PSMA4: variants seen among roughly 807,000 people sequenced by gnomAD.
PSMA4 encodes the protein proteasome subunit alpha type-4.
A neutral mutation model predicts 37.2 loss-of-function variants in PSMA4; 8 were observed. That is an observed-to-expected ratio of 0.22 (90% CI 0.13 to 0.39). PSMA4 has a LOEUF of 0.39. Among genes scored for constraint, PSMA4 ranks in the 10% least tolerant of loss-of-function variants. The pLI is 1.00. For synonymous variants in PSMA4, 93 were observed against 98.8 expected (o/e 0.94, Z 0.35); for missense variants, 169 against 305.1 (o/e 0.55, Z 3.32).
intron 8 of PSMA4, among the ~76,000 whole-genome samples, chr15:78,548,231 CAAAAAA>C (rs938797848): frequency 6.3e-5 from 9 of 142,036 alleles, no homozygotes; most frequent in African/African-American, 1.6e-4. Context: ...AACTCCATCT[CAAAAAA>C]AAAAAGAAAA....
At position 78,543,955 on chromosome 15, in the gene PSMA4, T is replaced by C; in HGVS notation, c.210-235T>C. On this transcript the variant is annotated intron_variant, in intron 4 of 8. Transcript: ENST00000044462. Reference sequence around the variant, plus strand: ...TTGTTATCCTATTCATAGGTGGTAATGATAAATACATCTATTAAATAACTT... The same window carrying C: ...TTGTTATCCTATTCATAGGTGGTAACGATAAATACATCTATTAAATAACTT... 4 of 402,674 alleles carry C rather than the reference T, an allele frequency of 9.9e-6. No homozygotes were observed. In the South Asian group the frequency reaches 1.6e-4, roughly 17 times the overall value. The allele number at this position is 402,674 out of a possible 1,614,324, so 24.9% of individuals were successfully genotyped here. A position where few individuals can be genotyped will look rare whatever the true frequency, so the allele number is the denominator to read the frequency against.
chr15:78,544,243 A>G lies in PSMA4; in HGVS notation c.263A>G (p.Asn88Ser). 1.2e-6 allele frequency: 2 copies of G among 1,613,350 alleles called. No individual in the cohort carries two copies. Among genetic ancestry groups the G allele is most frequent in the Non-Finnish European group, 1.7e-6 (2 of 1,179,368 alleles). ...GITSDANVLT[N>S]ELRLIAQRYL... is the part of the protein sequence containing the mutation. ...ACTTCTGATGCTAATGTTCTGACTAATGAACTAAGGCTCATTGCTCAAAGG... is the reference window on the plus strand; with the variant it reads ...ACTTCTGATGCTAATGTTCTGACTAGTGAACTAAGGCTCATTGCTCAAAGG... The change falls in exon 5 of 9, where the codon AAT (asparagine) becomes AGT (serine). Residue 88 changes from asparagine (N) to serine (S), a missense_variant. Physicochemically the swap from Asn to Ser is conservative, Grantham distance 46. This residue lies in a region of PSMA4 where 79 missense variants were observed against 212.4 expected (regional missense o/e 0.37). Transcript: ENST00000044462.
chr15:78,542,203 T>A lies in PSMA4; in HGVS notation c.30T>A (p.Thr10=). 6.2e-7 allele frequency: 1 copy of A among 1,605,982 alleles called. No homozygotes were observed. ...CTCGAAGATATGACTCCAGGACCAC[T>A]ATATTTTCTCCAGAAGGTAAAATAG... MSRRYDSRT[T]IFSPEGRLYQ... is the part of the protein sequence containing the mutation. The change falls in exon 3 of 9, where the codon ACT becomes ACA. Residue 10 remains threonine (T), a synonymous_variant. Coordinates refer to ENST00000044462, the MANE Select transcript of PSMA4 (RefSeq NM_002789.6).
chr15:78,542,701 G>A, intron 4 of PSMA4, 56 bp downstream of exon 4: 1 of 1,482,944 alleles, frequency 6.7e-7, no homozygotes, highest in Non-Finnish European at 9.2e-7. Context: ...CACATAAGTG[G>A]GATCTATGTA....
At chr15:78,543,435 C>A (rs372694660) in intron 4 of PSMA4, among the ~76,000 whole-genome samples, 1 of 152,018 alleles carries the variant, frequency 6.6e-6, no homozygotes, top group Non-Finnish European at 1.5e-5. Context: ...ATGAAATGCA[C>A]CTCTAGTAGG....
Position 78,544,107 on chromosome 15 carries a change from G to T in PSMA4, c.210-83G>T, listed in dbSNP as rs1376964729. On this transcript the variant is annotated intron_variant, in intron 4 of 8. Coordinates refer to ENST00000044462, the MANE Select transcript of PSMA4 (RefSeq NM_002789.6). ...AAGCAAACATAGTGAATTTCTAATA[G>T]AAATTAGAATTTTTTAAATACTTAT... The T allele has an allele frequency of 5.0e-6, 5 of 1,003,594 alleles. 1 individual carries two copies. The African/African-American group carries it at 6.6e-5, about 13-fold the overall frequency. The allele number at this position is 1,003,594 out of a possible 1,614,324, so 62.2% of individuals were successfully genotyped here. A position where few individuals can be genotyped will look rare whatever the true frequency, so the allele number is the denominator to read the frequency against.
Position 78,551,764 on chromosome 15 carries a change from A to G in PSMA4, c.*2820A>G, listed in dbSNP as rs1327403007. ...ATGCTGGTGTGAAATCCTAAAAAAT[A>G]CCTGCTTTCCATCCAGATCAGTAGC... is the stretch of plus-strand genomic sequence containing the variant. On this transcript the variant is annotated 3_prime_UTR_variant, in exon 9 of 9. Coordinates refer to ENST00000044462, the MANE Select transcript of PSMA4 (RefSeq NM_002789.6). 1.3e-5 allele frequency: 2 copies of G among 152,266 alleles called. No individual in the cohort carries two copies. The highest frequency in any genetic ancestry group is 4.8e-5 in the African/African-American group (2 of 41,546). The allele number at this position is 152,266 out of a possible 1,614,324, so 9.4% of individuals were successfully genotyped here. A position where few individuals can be genotyped will look rare whatever the true frequency, so the allele number is the denominator to read the frequency against.
chr15:78,545,804 C>G (rs766947237), intron 7 of PSMA4, 40 bp downstream of exon 7: 22 of 1,600,358 alleles, frequency 1.4e-5, no homozygotes, highest in Non-Finnish European at 1.9e-5. Context: ...AGCAGAATGT[C>G]TAATAACTGC....
rs772457509 is a variant in PSMA4, at chr15:78,546,713, C to A, written c.631+15C>A. The A allele has an allele frequency of 7.6e-6, 12 of 1,588,196 alleles. No individual in the cohort carries two copies. The highest frequency in any genetic ancestry group is 1.0e-5 in the Non-Finnish European group (12 of 1,172,656). On this transcript the variant is annotated intron_variant, in intron 8 of 8. Coordinates refer to ENST00000044462, the MANE Select transcript of PSMA4 (RefSeq NM_002789.6). ...TGCTGAAAAAGGTAATTCATATCCTCTCCTTTAATTCTTTCGACTGAGTGA... is the reference window on the plus strand; with the variant it reads ...TGCTGAAAAAGGTAATTCATATCCTATCCTTTAATTCTTTCGACTGAGTGA...
At position 78,542,169 on chromosome 15, in the gene PSMA4, C is replaced by T; in HGVS notation, c.4-8C>T. 1 of 1,611,752 alleles carries T rather than the reference C, an allele frequency of 6.2e-7. No homozygotes were observed. Among genetic ancestry groups the T allele is most frequent in the Non-Finnish European group, 8.5e-7 (1 of 1,178,936 alleles). ...GGTAGGAATCACTCATGTGTTTTTC[C>T]TTTGCAGTCTCGAAGATATGACTCC... On this transcript the variant is annotated splice_region_variant and splice_polypyrimidine_tract_variant and intron_variant, in intron 2 of 8. Coordinates refer to ENST00000044462, the MANE Select transcript of PSMA4 (RefSeq NM_002789.6).
intron 8 of PSMA4, 149 bp downstream of exon 8, chr15:78,546,847 C>G (rs1480625548): frequency 2.6e-6 from 2 of 783,254 alleles, no homozygotes; most frequent in Non-Finnish European, 3.8e-6. Flanking sequence ...CTCACTGCAA[C>G]CTCCGCCTCC....
At chr15:78,544,289 CTGA>C (rs56827168) in intron 5 of PSMA4, 22 bp downstream of exon 5, 903,289 of 1,493,958 alleles carry the variant, frequency 0.6, 280,529 homozygotes, top group East Asian at 0.87. Context: ...AATAGCATAA[CTGA>C]TGATACAGAA....
intron 8 of PSMA4, 131 bp downstream of exon 8, chr15:78,546,829 A>G: frequency 3.1e-6 from 3 of 958,384 alleles, no homozygotes; most frequent in African/African-American, 1.8e-5. Flanking sequence ...GCAGTGGCGC[A>G]ATCTCAGCTC....
At chr15:78,544,430 C>G (rs1300907350) in intron 5 of PSMA4, 163 bp downstream of exon 5, 1 of 534,966 alleles carries the variant, frequency 1.9e-6, no homozygotes, top group Non-Finnish European at 3.3e-6. Context: ...ATTCTCCTGC[C>G]TCAGCCTCCC....
In PSMA4 at chr15:78,551,898, C is replaced by T. The variant is rs2052648402; in HGVS notation, c.*2954C>T. On this transcript the variant is annotated 3_prime_UTR_variant, in exon 9 of 9. Coordinates refer to ENST00000044462, the MANE Select transcript of PSMA4 (RefSeq NM_002789.6). ...GAGAGCCTGGTATAGTTTGCCGCCACATTAGGAAAGTCTTCAGAATTTGAC... is the reference window on the plus strand; with the variant it reads ...GAGAGCCTGGTATAGTTTGCCGCCATATTAGGAAAGTCTTCAGAATTTGAC... 1 of 152,132 alleles carries T rather than the reference C, an allele frequency of 6.6e-6. No homozygotes were observed. The highest frequency in any genetic ancestry group is 1.5e-5 in the Non-Finnish European group (1 of 68,024). 9.4% of individuals were successfully genotyped at this position (152,132 alleles called of 1,614,324 possible).
chr15:78,547,994 C>T (rs1343735557), intron 8 of PSMA4, among the ~76,000 whole-genome samples: 3 of 151,976 alleles, frequency 2.0e-5, no homozygotes, highest in African/African-American at 4.8e-5. Context: ...CTTTGGGAGG[C>T]CGAGGTGGGT....
At chr15:78,544,488 AC>A in intron 5 of PSMA4, 1 of 476,716 alleles carries the variant, frequency 2.1e-6, no homozygotes, top group African/African-American at 2.0e-5. Flanking sequence ...TTTAGTAGAG[AC>A]GGGGTTTCAC....
At chr15:78,544,488 A>G (rs888887916) in intron 5 of PSMA4, 4 of 476,598 alleles carry the variant, frequency 8.4e-6, no homozygotes, top group Admixed American at 3.6e-5. Context: ...TTTAGTAGAG[A>G]CGGGGTTTCA....
chr15:78,544,121 T>G (rs1434950447), intron 4 of PSMA4, 69 bp from the exon 5 acceptor site: 2 of 1,172,418 alleles, frequency 1.7e-6, no homozygotes, highest in African/African-American at 3.1e-5. Context: ...TTAGAATTTT[T>G]TAAATACTTA....
Sources: gnomAD v4.1 joint callset for allele counts (sites outside exome capture counted in the v4.1 genomes callset) on GRCh38, gnomAD v4.1.1 for gene constraint, gnomAD v4.1.1 regional missense constraint, MANE v1.5 for transcripts, NCBI Gene and HGNC (gene_info 2026-07-23, HGNC 2026-07-21) for gene names.